The following CLNK variants were observed in gnomAD, a reference collection of about 807,000 sequenced individuals.
CLNK encodes the protein cytokine-dependent hematopoietic cell linker.
A neutral mutation model predicts 68.6 loss-of-function variants in CLNK; 74 were observed. The observed-to-expected ratio is 1.08, with a 90% confidence interval of 0.89 to 1.31. CLNK has a LOEUF of 1.31. CLNK is among the 50% of genes most tolerant of loss of function. The pLI, the probability that CLNK is intolerant of heterozygous loss-of-function variation, is 0.00. For synonymous variants in CLNK, 198 were observed against 172.2 expected (o/e 1.15, Z -1.17); for missense variants, 553 against 515.3 (o/e 1.07, Z -0.71).
intron 2 of CLNK, chr4:10,598,744 G>A (rs765220853): frequency 3.8e-4 from 151 of 392,244 alleles, no homozygotes; most frequent in Admixed American, 1.6e-3. Flanking sequence ...AATCAGCCAC[G>A]TTTCCCACAT....
intron 15 of CLNK, among the ~76,000 whole-genome samples, chr4:10,515,475 A>G (rs1366207195): frequency 1.3e-5 from 2 of 152,012 alleles, no homozygotes; most frequent in Non-Finnish European, 2.9e-5. Flanking sequence ...TTGAAAGAAT[A>G]ACTTCAAAAA....
intron 11 of CLNK, among the ~76,000 whole-genome samples, chr4:10,540,293 C>G (rs1718961245): frequency 6.6e-6 from 1 of 152,194 alleles, no homozygotes; most frequent in South Asian, 2.1e-4. Flanking sequence ...TGAGGCTTCC[C>G]CAGCCATGTG....
the CLNK span, among the ~76,000 whole-genome samples, chr4:10,701,133 C>T: frequency 6.6e-6 from 1 of 152,188 alleles, no homozygotes; most frequent in Non-Finnish European, 1.5e-5. Context: ...ACCTTCCTAG[C>T]CATGAATGAG....
chr4:10,513,547 C>T lies in CLNK; in HGVS notation c.823G>A (p.Ala275Thr). ...PCSPQRCQPP[A>T]SCSPHENILP... ...ATATTTTCGTGAGGGCTGCAGCTGGCTGGAGGCTGGCATCTCTGAGGAGAA... is the reference window on the plus strand; with the variant it reads ...ATATTTTCGTGAGGGCTGCAGCTGGTTGGAGGCTGGCATCTCTGAGGAGAA... Residue 275 changes from alanine to threonine, a missense_variant, in exon 16 of 19, where the codon GCC (alanine) becomes ACC (threonine). Physicochemically the swap from Ala to Thr is moderately conservative, Grantham distance 58 (BLOSUM62 0). Coordinates refer to ENST00000226951, the MANE Select transcript of CLNK (RefSeq NM_052964.4). The T allele has an allele frequency of 1.2e-6, 2 of 1,608,910 alleles. No homozygotes were observed. The highest frequency in any genetic ancestry group is 1.7e-6 in the Non-Finnish European group (2 of 1,177,494).
At chr4:10,606,229 A>T (rs1211588235) in intron 2 of CLNK, among the ~76,000 whole-genome samples, 1 of 152,220 alleles carries the variant, frequency 6.6e-6, no homozygotes, top group Non-Finnish European at 1.5e-5. Flanking sequence ...TTTGTTAAAA[A>T]ATTAAGACAG....
At position 10,490,680 on chromosome 4, in the gene CLNK, C is replaced by T. The variant is rs568401891; in HGVS notation, c.1141-67G>A. 6.0e-5 allele frequency: 80 copies of T among 1,326,958 alleles called. No homozygotes were observed. The South Asian group carries it at 1.0e-3, about 17-fold the overall frequency. The allele number at this position is 1,326,958 out of a possible 1,614,324, so 82.2% of individuals were successfully genotyped here. A position where few individuals can be genotyped will look rare whatever the true frequency, so the allele number is the denominator to read the frequency against. On this transcript the variant is annotated intron_variant, in intron 18 of 18. Transcript: ENST00000226951. ...TTTGTGTCTGTAGGTTAAAGTATAG[C>T]CAAGGTGCTTCATTTTGCATGGGGA...
At chr4:10,581,759 A>C (rs1720793546) in intron 4 of CLNK, among the ~76,000 whole-genome samples, 4 of 152,114 alleles carry the variant, frequency 2.6e-5, no homozygotes, top group African/African-American at 7.2e-5. Context: ...TAGGGAAGGC[A>C]GCTGCCTCCC....
intron 2 of CLNK, among the ~76,000 whole-genome samples, chr4:10,638,031 T>A (rs1258292616): frequency 6.6e-6 from 1 of 152,202 alleles, no homozygotes; most frequent in Non-Finnish European, 1.5e-5. Flanking sequence ...TGTCTCATTT[T>A]ACCTATGCTC....
At chr4:10,598,684 A>C (rs1721474880) in intron 2 of CLNK, 1 of 446,912 alleles carries the variant, frequency 2.2e-6, no homozygotes, top group Non-Finnish European at 4.5e-6. Flanking sequence ...ACATTCATTA[A>C]ATACATTCAC....
At chr4:10,599,229 T>C (rs975908909) in intron 2 of CLNK, among the ~76,000 whole-genome samples, 4 of 152,070 alleles carry the variant, frequency 2.6e-5, no homozygotes, top group African/African-American at 4.8e-5. Context: ...AGGAGCTGAG[T>C]GGACACTCAC....
intron 18 of CLNK, among the ~76,000 whole-genome samples, chr4:10,492,631 C>CGCACT (rs1299380859): frequency 4.6e-5 from 7 of 152,154 alleles, no homozygotes; most frequent in African/African-American, 7.2e-5. Context: ...CTGTTAGAGG[C>CGCACT]GCACTGAATA....
At chr4:10,589,680 G>A (rs1362109945) in intron 3 of CLNK, among the ~76,000 whole-genome samples, 2 of 152,154 alleles carry the variant, frequency 1.3e-5, no homozygotes, top group African/African-American at 2.4e-5. Context: ...GAGGTGGTCC[G>A]AACACCATAG....
chr4:10,508,489 T>C (rs1340637573), intron 16 of CLNK, among the ~76,000 whole-genome samples: 7 of 152,220 alleles, frequency 4.6e-5, no homozygotes, highest in Non-Finnish European at 1.0e-4. Flanking sequence ...GCCGCTGAGC[T>C]ATGATTCGGA....
At chr4:10,625,705 TAGAG>T (rs1262068463) in intron 2 of CLNK, among the ~76,000 whole-genome samples, 2 of 150,938 alleles carry the variant, frequency 1.3e-5, no homozygotes, top group Non-Finnish European at 1.5e-5. Flanking sequence ...CAGGCAGAGA[TAGAG>T]AGAGGCAGAG....
intron 2 of CLNK, among the ~76,000 whole-genome samples, chr4:10,649,429 C>G (rs1480333070): frequency 6.6e-6 from 1 of 152,054 alleles, no homozygotes; most frequent in Non-Finnish European, 1.5e-5. Flanking sequence ...GTTGCTTTGC[C>G]AACACAGAGG....
At chr4:10,704,999 G>A in the CLNK span, among the ~76,000 whole-genome samples, 1 of 152,172 alleles carries the variant, frequency 6.6e-6, no homozygotes, top group Non-Finnish European at 1.5e-5. Flanking sequence ...TATGGCCCAA[G>A]CGTGGGGCAT....
rs5856062 is a variant in CLNK at position 10,578,579 on chromosome 4, C to CTTTTTTTTTTTTTTTTTTTTTTTTTTT, written c.112+6347_112+6348insAAAAAAAAAAAAAAAAAAAAAAAAAAA. On this transcript the variant is annotated intron_variant, in intron 4 of 18. Transcript: ENST00000226951. Reference sequence around the variant, plus strand: ...TTCTCTTGGACTTGGCTTACCTTATCTTTTTTTTTTTTTTTTTTTTTTTTT... The same window carrying CTTTTTTTTTTTTTTTTTTTTTTTTTTT: ...TTCTCTTGGACTTGGCTTACCTTATCTTTTTTTTTTTTTTTTTTTTTTTTTTTTTTTTTTTTTTTTTTTTTTTTTTTT... 2.1e-3 allele frequency among the ~76,000 whole-genome samples: 95 copies of CTTTTTTTTTTTTTTTTTTTTTTTTTTT among 44,918 alleles called. 4 individuals carry two copies. Among genetic ancestry groups the CTTTTTTTTTTTTTTTTTTTTTTTTTTT allele is most frequent in the Non-Finnish European group, 2.7e-3 (69 of 25,374 alleles). The allele number at this position is 44,918 out of a possible 152,430, so 29.5% of individuals were successfully genotyped here. A position where few individuals can be genotyped will look rare whatever the true frequency, so the allele number is the denominator to read the frequency against.
At chr4:10,606,006 A>G (rs796649753) in intron 2 of CLNK, among the ~76,000 whole-genome samples, 13 of 151,466 alleles carry the variant, frequency 8.6e-5, no homozygotes, top group African/African-American at 3.2e-4. Context: ...GGCTTTGGAG[A>G]CTCTGTATGT....
chr4:10,672,790 G>C (rs61796845), intron 1 of CLNK, among the ~76,000 whole-genome samples: 2 of 152,122 alleles, frequency 1.3e-5, no homozygotes, highest in Admixed American at 6.5e-5. Context: ...GAGTGGACTT[G>C]AGTGTCAGTC....
Sources: allele counts gnomAD v4.1 joint callset (sites outside exome capture counted in the v4.1 genomes callset), GRCh38; gene constraint gnomAD v4.1.1; transcripts MANE v1.5; gene names NCBI Gene and HGNC (gene_info 2026-07-23, HGNC 2026-07-21).